Variants in NRXN2 observed in about 807,000 individuals in gnomAD.
The protein encoded by NRXN2 is neurexin-2-beta.
Under a neutral mutation model 128.8 loss-of-function variants are expected in NRXN2, and 29 were observed. That is an observed-to-expected ratio of 0.23 (90% CI 0.17 to 0.31). The LOEUF (loss-of-function observed/expected upper bound fraction) is 0.31. Among genes scored for constraint, NRXN2 ranks in the 10% least tolerant of loss-of-function variants. The pLI, the probability that NRXN2 is intolerant of heterozygous loss-of-function variation, is 1.00. For synonymous variants in NRXN2, 1,098 were observed against 1,075.2 expected (o/e 1.02, Z -0.41); for missense variants, 1,881 against 2,452.6 (o/e 0.77, Z 4.92).
Position 64,622,622 on chromosome 11 carries a change from C to T in NRXN2, c.4173+131G>A, listed in dbSNP as rs2042528289. The T allele has an allele frequency of 2.2e-6, 3 of 1,341,902 alleles. No homozygotes were observed. Among genetic ancestry groups the T allele is most frequent in the East Asian group, 2.3e-5 (1 of 42,974 alleles). 83.1% of individuals were successfully genotyped at this position (1,341,902 alleles called of 1,614,324 possible). A position where few individuals can be genotyped will look rare whatever the true frequency, so the allele number is the denominator to read the frequency against. ...CCCATCGCCATGGCAACAAAGTCAG[C>T]GACAGCAGCCTTCAGGATCCCAACA... On this transcript the variant is annotated intron_variant, in intron 21 of 22. Coordinates refer to ENST00000265459, the MANE Select transcript of NRXN2 (RefSeq NM_015080.4). This position sits in a 1 kb window ranked among gnomAD's most constrained non-coding sequence, Gnocchi z 4.3.
intron 9 of NRXN2, 65 bp from the exon 10 acceptor site, chr11:64,661,204 C>T: frequency 3.7e-6 from 6 of 1,604,698 alleles, no homozygotes; most frequent in Non-Finnish European, 5.1e-6. Context: ...CCTGACTCTG[C>T]CAAGAAGGCC....
intron 11 of NRXN2, among the ~76,000 whole-genome samples, chr11:64,658,267 G>A (rs889916558): frequency 6.6e-6 from 1 of 152,196 alleles, no homozygotes; most frequent in Non-Finnish European, 1.5e-5. Flanking sequence ...GGCAAAGTAG[G>A]GGGGAACTCA....
intron 3 of NRXN2, among the ~76,000 whole-genome samples, chr11:64,696,906 A>AGGAGGTCGCCCC (rs1782723315): frequency 6.6e-6 from 1 of 152,170 alleles, no homozygotes; most frequent in South Asian, 2.1e-4. Flanking sequence ...TCCATCCCAG[A>AGGAGGTCGCCCC]GGAGGAGAAG....
chr11:64,666,270 C>T (rs2049843561), intron 9 of NRXN2, among the ~76,000 whole-genome samples: 1 of 149,620 alleles, frequency 6.7e-6, no homozygotes, highest in Non-Finnish European at 1.5e-5. Context: ...GGCAGGATCT[C>T]AGCTCACTGC....
At chr11:64,641,566 G>C (rs2045669671) in intron 17 of NRXN2, among the ~76,000 whole-genome samples, 1 of 151,932 alleles carries the variant, frequency 6.6e-6, no homozygotes, top group South Asian at 2.1e-4. Flanking sequence ...GAAGGTGACA[G>C]GTACAGGGGT....
intron 7 of NRXN2, among the ~76,000 whole-genome samples, chr11:64,672,178 G>C (rs144767065): frequency 1.8e-4 from 28 of 152,322 alleles, no homozygotes; most frequent in African/African-American, 6.7e-4. Context: ...CAGAGAGGCT[G>C]GCTGGAGGTG....
At position 64,622,802 on chromosome 11, in the gene NRXN2, G is replaced by A; in HGVS notation, c.4124C>T (p.Thr1375Ile). The A allele has an allele frequency of 6.2e-7, 1 of 1,612,694 alleles. No individual in the cohort carries two copies. Among genetic ancestry groups the A allele is most frequent in the East Asian group, 2.2e-5 (1 of 44,876 alleles). Residue 1375 changes from threonine to isoleucine, a missense_variant, in exon 21 of 23, where the codon ACC (threonine) becomes ATC (isoleucine). Thr to Ile is a moderately conservative substitution (Grantham distance 89). Coordinates refer to ENST00000265459, the MANE Select transcript of NRXN2 (RefSeq NM_015080.4). This position sits in a 1 kb window ranked among gnomAD's most constrained non-coding sequence, Gnocchi z 4.3. Reference protein sequence around the residue: ...IMETTTTMATTTTRRGRSPTL... With the variant: ...IMETTTTMATITTRRGRSPTL... ...GGGGGAGCGGCCCCGGCGCGTGGTG[G>A]TAGTGGCCATGGTGGTGGTAGTCTC...
At chr11:64,685,398 CT>C (rs1372804266) in intron 6 of NRXN2, among the ~76,000 whole-genome samples, 2 of 152,144 alleles carry the variant, frequency 1.3e-5, no homozygotes, top group Non-Finnish European at 2.9e-5. Context: ...AGTCCTTCCC[CT>C]GCCCTCAGGT....
intron 17 of NRXN2, among the ~76,000 whole-genome samples, chr11:64,643,798 C>G (rs1261307836): frequency 1.3e-5 from 2 of 152,026 alleles, no homozygotes; most frequent in Non-Finnish European, 2.9e-5. Context: ...CTGCACCCCC[C>G]TCCTGGAGAA....
At chr11:64,700,551 A>G (rs1410139682) in intron 2 of NRXN2, among the ~76,000 whole-genome samples, 1 of 152,170 alleles carries the variant, frequency 6.6e-6, no homozygotes, top group Non-Finnish European at 1.5e-5. Flanking sequence ...GACTCTGTAC[A>G]GAGAAGAAAA....
chr11:64,677,127 G>A, intron 6 of NRXN2, 90 bp from the exon 7 acceptor site: 6 of 909,098 alleles, frequency 6.6e-6, no homozygotes, highest in Middle Eastern at 2.2e-4. Flanking sequence ...GAAAAGAAAA[G>A]AAAAATAAAA....
At chr11:64,689,063 G>A (rs576565785) in intron 5 of NRXN2, among the ~76,000 whole-genome samples, 40 of 152,108 alleles carry the variant, frequency 2.6e-4, no homozygotes, top group African/African-American at 9.4e-4. Flanking sequence ...CAGCTTCCCC[G>A]TCTGGAAAAT....
In NRXN2 at chr11:64,607,261, C is replaced by A. The variant is rs769277910; in HGVS notation, c.5074G>T (p.Ala1692Ser). The A allele has an allele frequency of 1.2e-6, 2 of 1,613,874 alleles. No individual in the cohort carries two copies. The highest frequency in any genetic ancestry group is 2.2e-5 in the South Asian group (2 of 91,058). ...QSNGAVVKEK[A>S]PAAPKTPSKA... ...CTGGGCGTCTTGGGGGCAGCCGGGG[C>A]CTTCTCTTTCACCACCGCCCCATTG... The change falls in exon 23 of 23, where the codon GCC (alanine) becomes TCC (serine). Residue 1692 changes from alanine to serine, a missense_variant. This residue lies in a region of NRXN2 where 63 missense variants were observed against 76.0 expected (regional missense o/e 0.83). Coordinates refer to ENST00000265459, the MANE Select transcript of NRXN2 (RefSeq NM_015080.4).
intron 7 of NRXN2, chr11:64,675,473 C>T (rs1346040121): frequency 1.3e-5 from 2 of 152,290 alleles, no homozygotes; most frequent in Non-Finnish European, 2.9e-5. Context: ...GCCATACAAA[C>T]CTGGGAGGCT....
chr11:64,636,045 G>A (rs1433124666), intron 17 of NRXN2, among the ~76,000 whole-genome samples: 1 of 151,958 alleles, frequency 6.6e-6, no homozygotes, highest in Non-Finnish European at 1.5e-5. Flanking sequence ...GGGGCTGCCT[G>A]GGTCCCAAAG....
chr11:64,672,343 G>A (rs2050745067), intron 7 of NRXN2, among the ~76,000 whole-genome samples: 1 of 152,226 alleles, frequency 6.6e-6, no homozygotes, highest in African/African-American at 2.4e-5. Flanking sequence ...GGCACTCCAT[G>A]TCCACATGCC....
chr11:64,686,023 G>A, intron 5 of NRXN2, 76 bp from the exon 6 acceptor site: 5 of 1,524,476 alleles, frequency 3.3e-6, no homozygotes, highest in Non-Finnish European at 4.5e-6. Flanking sequence ...CTCCCCTCCA[G>A]CAACGCAGGC....
chr11:64,706,816 C>T (rs890378630), intron 2 of NRXN2, among the ~76,000 whole-genome samples: 3 of 152,182 alleles, frequency 2.0e-5, no homozygotes, highest in African/African-American at 7.2e-5. Flanking sequence ...AAACCTATTA[C>T]TGATCCCCTC....
rs1565304992 is a variant in NRXN2, at chr11:64,651,894, A to G, written c.2536+141T>C. On this transcript the variant is annotated intron_variant, in intron 13 of 22. Transcript: ENST00000265459. This position sits in a 1 kb window ranked among gnomAD's most constrained non-coding sequence, Gnocchi z 5.9. Reference sequence around the variant, plus strand: ...GGGGTCCAGATGCCCATAACATTCCACCCCTGAAGGAGAAATGGCAGAGGC... The same window carrying G: ...GGGGTCCAGATGCCCATAACATTCCGCCCCTGAAGGAGAAATGGCAGAGGC... 2 of 1,333,558 alleles carry G rather than the reference A, an allele frequency of 1.5e-6. No homozygotes were observed. Among genetic ancestry groups the G allele is most frequent in the Non-Finnish European group, 2.1e-6 (2 of 943,320 alleles). 82.6% of individuals were successfully genotyped at this position (1,333,558 alleles called of 1,614,324 possible). A position where few individuals can be genotyped will look rare whatever the true frequency, so the allele number is the denominator to read the frequency against.
Sources: allele counts gnomAD v4.1 joint callset (sites outside exome capture counted in the v4.1 genomes callset), GRCh38; gene constraint gnomAD v4.1.1; regional missense constraint gnomAD v4.1.1; non-coding constraint Gnocchi (gnomAD v3.1); transcripts MANE v1.5; gene names NCBI Gene and HGNC (gene_info 2026-07-23, HGNC 2026-07-21).